Variants in TTLL11 observed in about 807,000 individuals in gnomAD.
TTLL11 encodes the protein tubulin polyglutamylase TTLL11.
In TTLL11, 42 loss-of-function variants were observed where a neutral mutation model predicts 51.7. That is an observed-to-expected ratio of 0.81 (90% CI 0.64 to 1.05). The LOEUF (loss-of-function observed/expected upper bound fraction) is 1.05, where lower values mean the gene tolerates loss of function less well. Ranked by LOEUF, TTLL11 falls within the 50% of genes least tolerant of loss-of-function variation. The pLI is 0.00. For synonymous variants in TTLL11, 381 were observed against 383.5 expected (o/e 0.99, Z 0.08); for missense variants, 799 against 940.4 (o/e 0.85, Z 1.97).
At chr9:122,076,208 C>G (rs879458902) in intron 1 of TTLL11, among the ~76,000 whole-genome samples, 1 of 152,230 alleles carries the variant, frequency 6.6e-6, no homozygotes, top group Non-Finnish European at 1.5e-5. Context: ...TAACTTGCCT[C>G]TCTGCCTCCA....
chr9:121,826,184 C>CTATATATATATATA (rs1166211047), intron 8 of TTLL11, among the ~76,000 whole-genome samples: 10 of 51,116 alleles, frequency 2.0e-4, no homozygotes, highest in Admixed American at 3.5e-4. Flanking sequence ...AACCAGTAAC[C>CTATATATATATATA]TATATATATA....
intron 3 of TTLL11, among the ~76,000 whole-genome samples, chr9:122,002,488 G>A (rs932897969): frequency 2.6e-5 from 4 of 152,198 alleles, no homozygotes; most frequent in African/African-American, 9.7e-5. Flanking sequence ...AATGACTCAA[G>A]GAGAGGAGAA....
intron 8 of TTLL11, among the ~76,000 whole-genome samples, chr9:121,826,496 TGTG>T: frequency 2.2e-5 from 1 of 46,312 alleles, no homozygotes; most frequent in Admixed American, 1.8e-4. Context: ...TATATATATG[TGTG>T]TGTATATATA....
chr9:121,834,803 G>T (rs747017041), intron 8 of TTLL11, among the ~76,000 whole-genome samples: 1 of 151,388 alleles, frequency 6.6e-6, no homozygotes, highest in Non-Finnish European at 1.5e-5. Flanking sequence ...CTCCAGCCTG[G>T]GCGACAGAGT....
intron 6 of TTLL11, among the ~76,000 whole-genome samples, chr9:121,886,316 GAAAA>G (rs1168546981): frequency 6.6e-6 from 1 of 151,564 alleles, no homozygotes; most frequent in African/African-American, 2.4e-5. Flanking sequence ...ACCTTTTTTG[GAAAA>G]AAAGAGTCTT....
At chr9:121,896,942 G>A (rs910408636) in intron 6 of TTLL11, among the ~76,000 whole-genome samples, 1 of 152,146 alleles carries the variant, frequency 6.6e-6, no homozygotes, top group African/African-American at 2.4e-5. Context: ...CCTTATGACC[G>A]CTTCCCAAAC....
rs1052861957 is a variant in TTLL11 at position 121,890,963 on chromosome 9, T to C, written c.1482-20215A>G. Among the ~76,000 whole-genome samples, 5 of 152,226 alleles carry C rather than the reference T, an allele frequency of 3.3e-5. No homozygotes were observed. Among genetic ancestry groups the C allele is most frequent in the African/African-American group, 4.8e-5 (2 of 41,468 alleles). ...CCCACTAAGCCCTCCTGCTGTCTGA[T>C]AGACAAAGACCCTAAGCCTTTGCAT... On this transcript the variant is annotated intron_variant, in intron 6 of 8. Transcript: ENST00000321582. The surrounding 1 kb of genome is among the most constrained non-coding windows in gnomAD (Gnocchi z 4.3).
chr9:121,989,369 T>C lies in TTLL11; in HGVS notation c.1095A>G (p.Lys365=), dbSNP rs760514314. ...TACAAAGGATGCTGGAAAAAGTCCTTTTGCTGCCAGTGCTAGCACTGTCCG... is the reference window on the plus strand; with the variant it reads ...TACAAAGGATGCTGGAAAAAGTCCTCTTGCTGCCAGTGCTAGCACTGTCCG... ...IHSDSASTGS[K]RTFSSILCRL... is the part of the protein sequence containing the mutation. Residue 365 remains lysine (K), a synonymous_variant, in exon 4 of 9, where the codon AAA becomes AAG. Coordinates refer to ENST00000321582, the MANE Select transcript of TTLL11 (RefSeq NM_001139442.2). This position sits in a 1 kb window ranked among gnomAD's most constrained non-coding sequence, Gnocchi z 4.2. 1 of 1,614,100 alleles carries C rather than the reference T, an allele frequency of 6.2e-7. No individual in the cohort carries two copies. The highest frequency in any genetic ancestry group is 1.1e-5 in the South Asian group (1 of 91,068).
At chr9:122,048,210 C>T (rs879553768) in intron 1 of TTLL11, among the ~76,000 whole-genome samples, 7 of 151,852 alleles carry the variant, frequency 4.6e-5, no homozygotes, top group Non-Finnish European at 7.4e-5. Flanking sequence ...CTCTGTCAGC[C>T]AGCCTGGGTG....
chr9:121,827,592 C>T (rs1384298596), intron 8 of TTLL11, among the ~76,000 whole-genome samples: 1 of 152,228 alleles, frequency 6.6e-6, no homozygotes, highest in Admixed American at 6.5e-5. Context: ...GAATGCGTGC[C>T]AGTGAGTGTG....
intron 1 of TTLL11, among the ~76,000 whole-genome samples, chr9:122,066,217 G>GTTA (rs1333466438): frequency 9.2e-5 from 6 of 65,156 alleles, no homozygotes; most frequent in South Asian, 2.9e-4. Flanking sequence ...TGTTGTTAGT[G>GTTA]GTGGTGGTGG....
chr9:121,832,449 T>G (rs1837047807), intron 8 of TTLL11, among the ~76,000 whole-genome samples: 1 of 152,206 alleles, frequency 6.6e-6, no homozygotes, highest in Non-Finnish European at 1.5e-5. Context: ...TCATATTTAT[T>G]TAGCCCTCAT....
chr9:121,864,314 C>A (rs985902236), intron 7 of TTLL11, among the ~76,000 whole-genome samples: 2 of 152,150 alleles, frequency 1.3e-5, no homozygotes, highest in Non-Finnish European at 2.9e-5. Flanking sequence ...TCATTGAGAA[C>A]AGTTTTCCCT....
intron 6 of TTLL11, among the ~76,000 whole-genome samples, chr9:121,904,772 G>A (rs780869710): frequency 1.3e-5 from 2 of 152,184 alleles, no homozygotes; most frequent in Non-Finnish European, 2.9e-5. Context: ...CGTTTGACTG[G>A]CCCCTGCCAT....
chr9:121,919,222 G>A (rs978346059), intron 6 of TTLL11, among the ~76,000 whole-genome samples: 9 of 152,092 alleles, frequency 5.9e-5, no homozygotes, highest in Non-Finnish European at 1.0e-4. Context: ...GTCCATTTTT[G>A]TATATTTCAA....
Position 121,989,677 on chromosome 9 carries a change from T to C in TTLL11, c.787A>G (p.Lys263Glu). ...GCQGDGIYLI[K>E]DPSDIRLAGT... ...GCCAGGCGGATGTCACTGGGGTCTTTAATGAGGTAGATTCCATCACCCTGA... is the reference window on the plus strand; with the variant it reads ...GCCAGGCGGATGTCACTGGGGTCTTCAATGAGGTAGATTCCATCACCCTGA... Residue 263 changes from lysine (K) to glutamate (E), a missense_variant, in exon 4 of 9, where the codon AAA becomes GAA. By Grantham distance (56) the Lys-to-Glu change is moderately conservative. This residue lies in a region of TTLL11 where 468 missense variants were observed against 612.8 expected (regional missense o/e 0.76). Transcript: ENST00000321582. This position sits in a 1 kb window ranked among gnomAD's most constrained non-coding sequence, Gnocchi z 4.2. 1.2e-6 allele frequency: 2 copies of C among 1,614,174 alleles called. No homozygotes were observed. Among genetic ancestry groups the C allele is most frequent in the Non-Finnish European group, 1.7e-6 (2 of 1,180,036 alleles).
chr9:122,034,869 C>G (rs536288460), intron 2 of TTLL11, among the ~76,000 whole-genome samples: 1 of 152,312 alleles, frequency 6.6e-6, no homozygotes, highest in African/African-American at 2.4e-5. Context: ...CCTGACCCCT[C>G]GTCACCTGTG....
chr9:122,040,416 C>T, intron 1 of TTLL11: 2 of 984,826 alleles, frequency 2.0e-6, no homozygotes, highest in Non-Finnish European at 2.4e-6. Flanking sequence ...CCTGTTGCTT[C>T]TCAAAGTTAT....
chr9:122,061,235 C>T (rs2131870612), intron 1 of TTLL11, among the ~76,000 whole-genome samples: 1 of 152,320 alleles, frequency 6.6e-6, no homozygotes, highest in East Asian at 1.9e-4. Context: ...CCAGGATCGT[C>T]TCATCCCAAG....
Sources: allele counts gnomAD v4.1 joint callset (sites outside exome capture counted in the v4.1 genomes callset), GRCh38; gene constraint gnomAD v4.1.1; regional missense constraint gnomAD v4.1.1; non-coding constraint Gnocchi (gnomAD v3.1); transcripts MANE v1.5; gene names NCBI Gene and HGNC (gene_info 2026-07-23, HGNC 2026-07-21).